KIF3A: variants seen among roughly 807,000 people sequenced by gnomAD.
KIF3A encodes the protein kinesin family member 3A, also known as kinesin-like protein KIF3A.
In KIF3A, 27 loss-of-function variants were observed where a neutral mutation model predicts 92.6. That is an observed-to-expected ratio of 0.29 (90% CI 0.21 to 0.40). The LOEUF is 0.40. Among genes scored for constraint, KIF3A ranks in the 10% least tolerant of loss-of-function variants. KIF3A has a pLI of 1.00. For missense variants in KIF3A, 581 were observed against 872.6 expected (o/e 0.67, Z 4.21); for synonymous variants, 250 against 275.4 (o/e 0.91, Z 0.92).
In KIF3A at chr5:132,726,182, T is replaced by C; in HGVS notation, c.456A>G (p.Ile152Met). ...AAAGGTCACGAACTTCTTCATTATA[T>C]ATTTCCAAATAAGACACTCGAACCA... ...RFLVRVSYLE[I>M]YNEEVRDLLG... Residue 152 changes from isoleucine to methionine, a missense_variant, in exon 4 of 19, where the codon ATA becomes ATG. Physicochemically the swap from Ile to Met is conservative, Grantham distance 10 (BLOSUM62 1). Around this residue, in one of 5 missense-constraint regions of KIF3A, gnomAD observed 217 missense variants for 299.7 expected, o/e 0.72. Coordinates refer to ENST00000403231, the MANE Select transcript of KIF3A (RefSeq NM_001300791.2). The C allele has an allele frequency of 6.2e-7, 1 of 1,612,186 alleles. No homozygotes were observed. Among genetic ancestry groups the C allele is most frequent in the Non-Finnish European group, 8.5e-7 (1 of 1,179,130 alleles).
intron 10 of KIF3A, 51 bp downstream of exon 10, chr5:132,708,856 G>T: frequency 1.6e-6 from 2 of 1,245,760 alleles, no homozygotes; most frequent in South Asian, 1.3e-5. Context: ...GAAGCCCATG[G>T]GTTATGGAAA....
In KIF3A at chr5:132,737,466, C is replaced by G; in HGVS notation, c.-47G>C. On this transcript the variant is annotated 5_prime_UTR_variant, in exon 1 of 19. Coordinates refer to ENST00000403231, the MANE Select transcript of KIF3A (RefSeq NM_001300791.2). ...GCGGACGTCCCCGCCCGGGGTGCAG[C>G]CCAGCGACACCGGGTGCGCAGAAAG... 2.5e-6 allele frequency: 4 copies of G among 1,595,312 alleles called. No homozygotes were observed. The highest frequency in any genetic ancestry group is 3.4e-6 in the Non-Finnish European group (4 of 1,171,622).
chr5:132,694,572 C>T lies in KIF3A; in HGVS notation c.*2062G>A, dbSNP rs1002610244. On this transcript the variant is annotated 3_prime_UTR_variant, in exon 19 of 19. Coordinates refer to ENST00000403231, the MANE Select transcript of KIF3A (RefSeq NM_001300791.2). ...TTAAAGCTTGATTTAAAAGTTACTCCTTTCCTATTAACTGAATTGTTAAAG... is the reference window on the plus strand; with the variant it reads ...TTAAAGCTTGATTTAAAAGTTACTCTTTTCCTATTAACTGAATTGTTAAAG... 2 of 152,238 alleles carry T rather than the reference C, an allele frequency of 1.3e-5. No individual in the cohort carries two copies. Among genetic ancestry groups the T allele is most frequent in the Admixed American group, 6.5e-5 (1 of 15,270 alleles). The allele number at this position is 152,238 out of a possible 1,614,324, so 9.4% of individuals were successfully genotyped here. A position where few individuals can be genotyped will look rare whatever the true frequency, so the allele number is the denominator to read the frequency against.
chr5:132,732,507 T>C (rs1248895871), intron 2 of KIF3A, among the ~76,000 whole-genome samples: 1 of 152,362 alleles, frequency 6.6e-6, no homozygotes, highest in East Asian at 1.9e-4. Flanking sequence ...CCTAGTGCAA[T>C]GGCTCACGCC....
intron 4 of KIF3A, chr5:132,723,214 G>A (rs1484631672): frequency 2.0e-5 from 3 of 152,214 alleles, no homozygotes; most frequent in Admixed American, 1.3e-4. Flanking sequence ...CGTGAAAATG[G>A]CCATACTGCC....
At position 132,716,932 on chromosome 5, in the gene KIF3A, G is replaced by A; in HGVS notation, c.669C>T (p.Ile223=). 6.2e-7 allele frequency: 1 copy of A among 1,613,854 alleles called. No individual in the cohort carries two copies. Among genetic ancestry groups the A allele is most frequent in the Non-Finnish European group, 8.5e-7 (1 of 1,179,806 alleles). The change falls in exon 6 of 19, where the codon ATC becomes ATT. Residue 223 remains isoleucine, a synonymous_variant. Transcript: ENST00000403231. ...CACTGCATTCTATAGTAATTGTAAA[G>A]ATGGCATGGGAACGGGAACTATGTT... ...MNEHSSRSHA[I]FTITIECSEK...
intron 4 of KIF3A, among the ~76,000 whole-genome samples, chr5:132,724,559 C>T (rs1167182180): frequency 1.3e-5 from 2 of 151,620 alleles, no homozygotes; most frequent in African/African-American, 4.8e-5. Context: ...AACCAAACAC[C>T]ACATGTTCTC....
intron 8 of KIF3A, among the ~76,000 whole-genome samples, chr5:132,714,088 G>A (rs1450663708): frequency 6.6e-6 from 1 of 151,728 alleles, no homozygotes; most frequent in Non-Finnish European, 1.5e-5. Flanking sequence ...GTAAAGATGG[G>A]GTTTCACCGT....
At chr5:132,730,241 CG>C (rs1190441146) in intron 2 of KIF3A, among the ~76,000 whole-genome samples, 1 of 149,374 alleles carries the variant, frequency 6.7e-6, no homozygotes, top group Non-Finnish European at 1.5e-5. Flanking sequence ...CCAAGGCAGG[CG>C]GATCACCTGA....
At chr5:132,702,859 A>T in intron 13 of KIF3A, 26 bp downstream of exon 13, 1 of 1,604,448 alleles carries the variant, frequency 6.2e-7, no homozygotes, top group Non-Finnish European at 8.5e-7. Context: ...GCAAAATACC[A>T]AACTAAAAAC....
chr5:132,715,295 T>A (rs967787846), intron 8 of KIF3A, among the ~76,000 whole-genome samples: 1 of 152,224 alleles, frequency 6.6e-6, no homozygotes, highest in Admixed American at 6.5e-5. Flanking sequence ...AATTTAGGTA[T>A]GAAAGGATAT....
chr5:132,731,478 A>T (rs778733729), intron 2 of KIF3A, among the ~76,000 whole-genome samples: 24 of 152,222 alleles, frequency 1.6e-4, no homozygotes, highest in Non-Finnish European at 3.4e-4. Flanking sequence ...GCGAACTAAG[A>T]ATAGAAGGGA....
At chr5:132,735,912 G>C (rs2149925938) in intron 1 of KIF3A, among the ~76,000 whole-genome samples, 1 of 152,318 alleles carries the variant, frequency 6.6e-6, no homozygotes, top group South Asian at 2.1e-4. Context: ...GCCACACTGA[G>C]CTGCTTGGCC....
intron 2 of KIF3A, among the ~76,000 whole-genome samples, chr5:132,729,317 T>C (rs981404473): frequency 1.3e-5 from 2 of 151,998 alleles, no homozygotes; most frequent in Admixed American, 1.3e-4. Context: ...CCAGACATGG[T>C]GGGATGCTCC....
At chr5:132,720,186 T>G (rs984429388) in intron 5 of KIF3A, among the ~76,000 whole-genome samples, 1 of 152,244 alleles carries the variant, frequency 6.6e-6, no homozygotes, top group Admixed American at 6.5e-5. Flanking sequence ...GTAGTTATAG[T>G]ACTTAGACAA....
chr5:132,717,603 T>G (rs1288819480), intron 5 of KIF3A, among the ~76,000 whole-genome samples: 1 of 151,224 alleles, frequency 6.6e-6, no homozygotes, highest in Non-Finnish European at 1.5e-5. Flanking sequence ...AAAAGCAAGT[T>G]AGAAAGAAAT....
intron 2 of KIF3A, among the ~76,000 whole-genome samples, chr5:132,728,393 C>A (rs1754109122): frequency 6.6e-6 from 1 of 151,962 alleles, no homozygotes; most frequent in Non-Finnish European, 1.5e-5. Flanking sequence ...AACTTTCACC[C>A]CAATCCTAAA....
chr5:132,715,016 G>C (rs1753569114), intron 8 of KIF3A, among the ~76,000 whole-genome samples: 1 of 152,102 alleles, frequency 6.6e-6, no homozygotes, highest in African/African-American at 2.4e-5. Context: ...AAACATTTGT[G>C]ATGCTGGCGT....
At chr5:132,720,440 G>GT (rs1753787014) in intron 5 of KIF3A, among the ~76,000 whole-genome samples, 169 bp downstream of exon 5, 1 of 152,126 alleles carries the variant, frequency 6.6e-6, no homozygotes, top group Admixed American at 6.5e-5. Context: ...ATGATTTGTG[G>GT]TATCTTTCAT....
Sources: gnomAD v4.1 joint callset for allele counts (sites outside exome capture counted in the v4.1 genomes callset) on GRCh38, gnomAD v4.1.1 for gene constraint, gnomAD v4.1.1 regional missense constraint, MANE v1.5 for transcripts, NCBI Gene and HGNC (gene_info 2026-07-23, HGNC 2026-07-21) for gene names.